The following AKAP6 variants were observed in gnomAD, a reference collection of about 807,000 sequenced individuals.
AKAP6 encodes A-kinase anchor protein 6.
In AKAP6, 58 loss-of-function variants were observed where a neutral mutation model predicts 188.5. That is an observed-to-expected ratio of 0.31 (90% CI 0.25 to 0.38). The LOEUF (loss-of-function observed/expected upper bound fraction) is 0.38, where lower values mean the gene tolerates loss of function less well. Ranked by LOEUF, AKAP6 falls within the 10% of genes least tolerant of loss-of-function variation. AKAP6 has a pLI of 1.00. For missense variants in AKAP6, 2,710 were observed against 2,740.0 expected (o/e 0.99, Z 0.24); for synonymous variants, 989 against 998.6 (o/e 0.99, Z 0.18).
At chr14:32,388,829 G>A (rs868742490) in intron 1 of AKAP6, among the ~76,000 whole-genome samples, 10 of 151,982 alleles carry the variant, frequency 6.6e-5, no homozygotes, top group South Asian at 2.1e-4. Context: ...TATATTCTGC[G>A]GTTGTTGGAT....
In AKAP6 at chr14:32,816,996, G is replaced by C. The variant is rs79032813; in HGVS notation, c.3589-4406G>C. ...ATTCAGTTCATCCTAGTCTTTTTGA[G>C]ATTTTTTAGAAAAAAATCTTTCAAA... On this transcript the variant is annotated intron_variant, in intron 12 of 13. Transcript: ENST00000280979. Among the ~76,000 whole-genome samples, 1,511 of 151,858 alleles carry C rather than the reference G, an allele frequency of 1.0e-2. 26 individuals are homozygous for C. Among genetic ancestry groups the C allele is most frequent in the African/African-American group, 0.034 (1,427 of 41,396 alleles).
chr14:32,801,639 A>G (rs971829705), intron 12 of AKAP6, among the ~76,000 whole-genome samples: 1 of 152,086 alleles, frequency 6.6e-6, no homozygotes, highest in Non-Finnish European at 1.5e-5. Context: ...TACCTCTGTT[A>G]TTTCCTTCTC....
chr14:32,389,372 C>T (rs1442554264), intron 1 of AKAP6, among the ~76,000 whole-genome samples: 1 of 151,826 alleles, frequency 6.6e-6, no homozygotes, highest in Non-Finnish European at 1.5e-5. Context: ...AGGTACCATT[C>T]TATTCATCCT....
At chr14:32,498,255 A>G (rs1880429109) in intron 2 of AKAP6, among the ~76,000 whole-genome samples, 2 of 152,126 alleles carry the variant, frequency 1.3e-5, no homozygotes, top group African/African-American at 4.8e-5. Context: ...GCCAGATATA[A>G]AAGGTATGGC....
intron 1 of AKAP6, among the ~76,000 whole-genome samples, chr14:32,401,400 A>C (rs1247062681): frequency 6.6e-6 from 1 of 152,176 alleles, no homozygotes. Context: ...AAGCAAGTTC[A>C]TTTCAAATTA....
At chr14:32,659,720 T>C (rs1010304502) in intron 7 of AKAP6, among the ~76,000 whole-genome samples, 1 of 152,072 alleles carries the variant, frequency 6.6e-6, no homozygotes, top group South Asian at 2.1e-4. Flanking sequence ...AAAAATAGTT[T>C]CCATAATTGA....
chr14:32,735,662 C>T lies in AKAP6; in HGVS notation c.3152C>T (p.Thr1051Ile), dbSNP rs766659926. ...INEKWELLGK[T>I]LGEKIQDTMA... is the part of the protein sequence containing the mutation. The stretch of plus-strand genomic sequence containing the variant: ...TTTTTTAATCTGATGCATTAGAAAA[C>T]CCTAGGAGAGAAGATCCAGGACACA... Residue 1051 changes from threonine to isoleucine, a missense_variant, in exon 11 of 14, where the codon ACC becomes ATC. This residue lies in a region of AKAP6 where 2,473 missense variants were observed against 2,426.1 expected (regional missense o/e 1.02). Transcript: ENST00000280979. The T allele has an allele frequency of 6.3e-7, 1 of 1,584,304 alleles. No individual in the cohort carries two copies. The highest frequency in any genetic ancestry group is 2.2e-5 in the East Asian group (1 of 44,506).
At chr14:32,475,464 G>A (rs1011934761) in intron 2 of AKAP6, among the ~76,000 whole-genome samples, 2 of 152,086 alleles carry the variant, frequency 1.3e-5, no homozygotes, top group African/African-American at 4.8e-5. Flanking sequence ...GTGATATTTT[G>A]GGCAAGATGT....
At position 32,735,768 on chromosome 14, in the gene AKAP6, G is replaced by T; in HGVS notation, c.3258G>T (p.Arg1086Ser). Residue 1086 changes from arginine to serine, a missense_variant, in exon 11 of 14, where the codon AGG becomes AGT. This residue lies in a region of AKAP6 where 2,473 missense variants were observed against 2,426.1 expected (regional missense o/e 1.02). Transcript: ENST00000280979. ...GCCTGGTAAGGCAGCTGGAGGTCAG[G>T]ATCAAAGAACTGAAAGGATGGCTAA... The part of the protein sequence containing the change: ...SGSLVRQLEV[R>S]IKELKGWLRD... The T allele has an allele frequency of 6.2e-7, 1 of 1,613,480 alleles. No homozygotes were observed.
At chr14:32,505,319 AC>A (rs1179058418) in intron 2 of AKAP6, among the ~76,000 whole-genome samples, 7 of 150,592 alleles carry the variant, frequency 4.6e-5, no homozygotes, top group Non-Finnish European at 1.0e-4. Context: ...GTTCCTTTTC[AC>A]ATATCTCGTA....
chr14:32,764,413 C>A (rs1193391202), intron 11 of AKAP6, among the ~76,000 whole-genome samples: 1 of 152,142 alleles, frequency 6.6e-6, no homozygotes, highest in Non-Finnish European at 1.5e-5. Context: ...CTTCCCTTTG[C>A]AGAAAGAGGT....
At chr14:32,773,987 G>A (rs2032978900) in intron 12 of AKAP6, 94 bp downstream of exon 12, 1 of 1,337,760 alleles carries the variant, frequency 7.5e-7, no homozygotes, top group Non-Finnish European at 1.0e-6. Flanking sequence ...TCTTATAAAT[G>A]GTTTTACTAA....
chr14:32,750,874 A>G (rs2032105410), intron 11 of AKAP6, among the ~76,000 whole-genome samples: 1 of 151,078 alleles, frequency 6.6e-6, no homozygotes, highest in South Asian at 2.1e-4. Flanking sequence ...AGCTGGGACT[A>G]CAGGCGCCTG....
chr14:32,523,979 C>T (rs1210773390), intron 2 of AKAP6, among the ~76,000 whole-genome samples: 1 of 152,002 alleles, frequency 6.6e-6, no homozygotes, highest in Non-Finnish European at 1.5e-5. Flanking sequence ...CTCTGCAGGT[C>T]TAATGCCCGA....
At chr14:32,682,031 C>T (rs937326754) in intron 8 of AKAP6, among the ~76,000 whole-genome samples, 4 of 152,056 alleles carry the variant, frequency 2.6e-5, no homozygotes, top group African/African-American at 4.8e-5. Flanking sequence ...CTGTAAACAG[C>T]GTGGAGTAAA....
chr14:32,438,545 G>C (rs1283274006), intron 2 of AKAP6: 1 of 152,160 alleles, frequency 6.6e-6, no homozygotes, highest in African/African-American at 2.4e-5. Context: ...TTCCCATGGG[G>C]GAGTGATTAT....
At chr14:32,687,951 T>A (rs1420126926) in intron 8 of AKAP6, among the ~76,000 whole-genome samples, 1 of 152,092 alleles carries the variant, frequency 6.6e-6, no homozygotes, top group South Asian at 2.1e-4. Flanking sequence ...ACCCCTTTAA[T>A]GTGAAATAAC....
At chr14:32,563,128 A>G (rs1314023401) in intron 4 of AKAP6, among the ~76,000 whole-genome samples, 1 of 152,188 alleles carries the variant, frequency 6.6e-6, no homozygotes, top group Non-Finnish European at 1.5e-5. Flanking sequence ...GTAAAGGAAA[A>G]GATACATTCA....
intron 1 of AKAP6, among the ~76,000 whole-genome samples, chr14:32,399,917 A>G (rs1489031157): frequency 6.6e-6 from 1 of 152,022 alleles, no homozygotes; most frequent in Non-Finnish European, 1.5e-5. Flanking sequence ...GTGTTTCCCC[A>G]GGTGTTTTGT....
Sources: gnomAD v4.1 joint callset for allele counts (sites outside exome capture counted in the v4.1 genomes callset) on GRCh38, gnomAD v4.1.1 for gene constraint, gnomAD v4.1.1 regional missense constraint, MANE v1.5 for transcripts, NCBI Gene and HGNC (gene_info 2026-07-23, HGNC 2026-07-21) for gene names.